B3GNT3: variants seen among roughly 807,000 people sequenced by gnomAD.
B3GNT3 encodes N-acetyllactosaminide beta-1,3-N-acetylglucosaminyltransferase 3.
Under a neutral mutation model 11.6 loss-of-function variants are expected in B3GNT3, and 7 were observed. That is an observed-to-expected ratio of 0.60 (90% CI 0.34 to 1.13). The LOEUF is 1.13. B3GNT3 is among the 50% of genes most tolerant of loss of function. B3GNT3 has a pLI of 0.03. For missense variants in B3GNT3, 400 were observed against 507.4 expected, an observed-to-expected ratio of 0.79 and a Z score of 2.03; for synonymous variants, 201 against 222.1, an observed-to-expected ratio of 0.90 and a Z score of 0.85.
In B3GNT3 at chr19:17,808,137, G is replaced by A. The variant is rs1024884037; in HGVS notation, c.330G>A (p.Leu110=). Residue 110 remains leucine (L), a synonymous_variant, in exon 2 of 3, where the codon CTG becomes CTA. Transcript: ENST00000318683. ...AGTGCGCGCAGCCGGTCTTCCTGCT[G>A]CTGGTGATCAAGTCCTCCCCTAGCA... ...PSKCAQPVFL[L]LVIKSSPSNY... 4.3e-6 allele frequency: 7 copies of A among 1,613,608 alleles called. No individual in the cohort carries two copies. Among genetic ancestry groups the A allele is most frequent in the Non-Finnish European group, 5.9e-6 (7 of 1,179,862 alleles).
At position 17,810,869 on chromosome 19, in the gene B3GNT3, G is replaced by A. The variant is rs1015930440; in HGVS notation, c.568-702G>A. 4.0e-5 allele frequency among the ~76,000 whole-genome samples: 6 copies of A among 150,594 alleles called. 1 individual carries two copies. In the East Asian group the frequency reaches 9.8e-4, roughly 25 times the overall value. On this transcript the variant is annotated intron_variant, in intron 2 of 2. Coordinates refer to ENST00000318683, the MANE Select transcript of B3GNT3 (RefSeq NM_014256.4). ...CCACTCCAGCCTGGGCAACAAAAGC[G>A]AAAACTCCATCTCCAAAAAAATAAT... is the stretch of plus-strand genomic sequence containing the variant.
chr19:17,805,302 T>G (rs977644720), intron 1 of B3GNT3, among the ~76,000 whole-genome samples: 1 of 152,012 alleles, frequency 6.6e-6, no homozygotes, highest in Non-Finnish European at 1.5e-5. Flanking sequence ...TTTCACCATG[T>G]TGCCCAGGCT....
At position 17,813,077 on chromosome 19, in the gene B3GNT3, C is replaced by T. The variant is rs911586433; in HGVS notation, c.*955C>T. 6.6e-6 allele frequency: 1 copy of T among 151,444 alleles called. No homozygotes were observed. The highest frequency in any genetic ancestry group is 2.1e-4 in the South Asian group (1 of 4,788). 9.4% of individuals were successfully genotyped at this position (151,444 alleles called of 1,614,324 possible). ...TGGGGAATATAAAATTTTGTGAAGA[C>T]TTGGAGATCTTTTTTTTTTTTTAAG... On this transcript the variant is annotated 3_prime_UTR_variant, in exon 3 of 3. Coordinates refer to ENST00000318683, the MANE Select transcript of B3GNT3 (RefSeq NM_014256.4).
intron 1 of B3GNT3, among the ~76,000 whole-genome samples, chr19:17,796,133 G>A (rs73012892): frequency 5.1e-4 from 77 of 152,196 alleles, no homozygotes; most frequent in Admixed American, 1.9e-3. Context: ...TGTCACCCAG[G>A]CTGGAGTACA....
chr19:17,801,056 A>G (rs188288312), intron 1 of B3GNT3, among the ~76,000 whole-genome samples: 247 of 152,084 alleles, frequency 1.6e-3, no homozygotes, highest in African/African-American at 5.8e-3. Context: ...AAAATTCAGT[A>G]TATTTGGGCA....
chr19:17,811,799 C>T lies in B3GNT3; in HGVS notation c.796C>T (p.Pro266Ser), dbSNP rs1381823148. Residue 266 changes from proline (P) to serine (S), a missense_variant, in exon 3 of 3, where the codon CCC becomes TCC. Pro to Ser is a moderately conservative substitution (Grantham distance 74). Transcript: ENST00000318683. The surrounding 1 kb of genome is among the most constrained non-coding windows in gnomAD (Gnocchi z 4.1). Reference protein sequence around the residue: ...EVVTQNERYPPYCGGGGFLLS... With the variant: ...EVVTQNERYPSYCGGGGFLLS... ...GGTGACTCAGAATGAGCGGTACCCA[C>T]CCTATTGTGGGGGTGGTGGCTTCTT... 1 of 1,614,230 alleles carries T rather than the reference C, an allele frequency of 6.2e-7. No individual in the cohort carries two copies. The highest frequency in any genetic ancestry group is 2.2e-5 in the East Asian group (1 of 44,894).
In B3GNT3 at chr19:17,813,084, ATCT is replaced by A. The variant is rs2094183299; in HGVS notation, c.*964_*966del. The A allele has an allele frequency of 6.7e-6, 1 of 149,924 alleles. No homozygotes were observed. Among genetic ancestry groups the A allele is most frequent in the Non-Finnish European group, 1.5e-5 (1 of 67,318 alleles). 9.3% of individuals were successfully genotyped at this position (149,924 alleles called of 1,614,324 possible). ...TATAAAATTTTGTGAAGACTTGGAG[ATCT>A]TTTTTTTTTTTTAAGCAAATTTACA... On this transcript the variant is annotated 3_prime_UTR_variant, in exon 3 of 3. Transcript: ENST00000318683.
At chr19:17,797,788 C>T (rs1392306852) in intron 1 of B3GNT3, among the ~76,000 whole-genome samples, 8 of 152,058 alleles carry the variant, frequency 5.3e-5, no homozygotes, top group African/African-American at 1.7e-4. Flanking sequence ...AAAGCAGGGT[C>T]CGGCCATTGT....
chr19:17,811,754 A>C lies in B3GNT3; in HGVS notation c.751A>C (p.Lys251Gln), dbSNP rs1242892310. ...GGGCCCCATCCGGGCTTTTTGGAGCAAGTACTATGTGCCAGAGGTGGTGAC... is the reference window on the plus strand; with the variant it reads ...GGGCCCCATCCGGGCTTTTTGGAGCCAGTACTATGTGCCAGAGGTGGTGAC... Reference protein sequence around the residue: ...NVGPIRAFWSKYYVPEVVTQN... With the variant: ...NVGPIRAFWSQYYVPEVVTQN... Residue 251 changes from lysine to glutamine, a missense_variant, in exon 3 of 3, where the codon AAG becomes CAG. By Grantham distance (53) the Lys-to-Gln change is moderately conservative. Transcript: ENST00000318683. This position sits in a 1 kb window ranked among gnomAD's most constrained non-coding sequence, Gnocchi z 4.1. 6.2e-7 allele frequency: 1 copy of C among 1,614,112 alleles called. No homozygotes were observed. Among genetic ancestry groups the C allele is most frequent in the East Asian group, 2.2e-5 (1 of 44,902 alleles).
intron 1 of B3GNT3, among the ~76,000 whole-genome samples, chr19:17,799,511 G>T (rs1303707232): frequency 2.0e-5 from 3 of 151,666 alleles, no homozygotes; most frequent in Admixed American, 2.0e-4. Flanking sequence ...CTCATGATTC[G>T]CCCGCCTCTG....
chr19:17,800,746 C>G (rs1168991351), intron 1 of B3GNT3, among the ~76,000 whole-genome samples: 1 of 151,938 alleles, frequency 6.6e-6, no homozygotes, highest in Admixed American at 6.6e-5. Flanking sequence ...GTGGGTGGAT[C>G]ACCTGAGATT....
chr19:17,804,079 C>G (rs960542186), intron 1 of B3GNT3, among the ~76,000 whole-genome samples: 3 of 152,104 alleles, frequency 2.0e-5, no homozygotes, highest in African/African-American at 2.4e-5. Context: ...CACCTGGATA[C>G]CAGACTGAGC....
At position 17,811,973 on chromosome 19, in the gene B3GNT3, G is replaced by T. The variant is rs1417531779; in HGVS notation, c.970G>T (p.Ala324Ser). The T allele has an allele frequency of 1.9e-6, 3 of 1,607,120 alleles. No individual in the cohort carries two copies. The Admixed American group carries it at 5.0e-5, about 27-fold the overall frequency. The part of the protein sequence containing the change: ...HSGIRTSGVR[A>S]PSQRLSSFDP... Reference sequence around the variant, plus strand: ...CGGCATCCGCACGTCTGGCGTGCGGGCTCCATCGCAACGCCTGTCCTCCTT... The same window carrying T: ...CGGCATCCGCACGTCTGGCGTGCGGTCTCCATCGCAACGCCTGTCCTCCTT... The change falls in exon 3 of 3, where the codon GCT (alanine) becomes TCT (serine). Residue 324 changes from alanine to serine, a missense_variant. Transcript: ENST00000318683. This position sits in a 1 kb window ranked among gnomAD's most constrained non-coding sequence, Gnocchi z 4.1.
At chr19:17,805,716 C>T (rs908466759) in intron 1 of B3GNT3, among the ~76,000 whole-genome samples, 2 of 152,198 alleles carry the variant, frequency 1.3e-5, no homozygotes, top group Admixed American at 6.5e-5. Context: ...CCTTCAGGAC[C>T]TCCCTGATCC....
intron 2 of B3GNT3, among the ~76,000 whole-genome samples, chr19:17,808,928 C>T (rs2094177231): frequency 1.3e-5 from 2 of 152,138 alleles, no homozygotes; most frequent in Admixed American, 1.3e-4. Flanking sequence ...CAACCACCTC[C>T]TGGTTTCCGG....
At chr19:17,807,590 GGTT>G (rs2094174804) in intron 1 of B3GNT3, 165 bp from the exon 2 acceptor site, 5 of 513,552 alleles carry the variant, frequency 9.7e-6, no homozygotes, top group African/African-American at 5.8e-5. Context: ...AGCCAACAGG[GGTT>G]GGAGTGCTTT....
chr19:17,800,912 T>A (rs62123689), intron 1 of B3GNT3, among the ~76,000 whole-genome samples: 21,380 of 151,926 alleles, frequency 0.14, 1,900 homozygotes, highest in Non-Finnish European at 0.2. Context: ...AACCTCCAGG[T>A]TGCAGTGAGC....
intron 1 of B3GNT3, among the ~76,000 whole-genome samples, chr19:17,800,312 T>C (rs919131962): frequency 6.6e-6 from 1 of 151,914 alleles, no homozygotes; most frequent in Non-Finnish European, 1.5e-5. Context: ...GAGGCGGAAG[T>C]TGCAGTGAGC....
chr19:17,806,841 A>G (rs1204677876), intron 1 of B3GNT3, among the ~76,000 whole-genome samples: 1 of 151,052 alleles, frequency 6.6e-6, no homozygotes, highest in Non-Finnish European at 1.5e-5. Context: ...AGTCCCAGCT[A>G]CTCTGAAAGA....
Sources: gnomAD v4.1 joint callset for allele counts (sites outside exome capture counted in the v4.1 genomes callset) on GRCh38, gnomAD v4.1.1 for gene constraint, Gnocchi (gnomAD v3.1) non-coding constraint, MANE v1.5 for transcripts, NCBI Gene and HGNC (gene_info 2026-07-23, HGNC 2026-07-21) for gene names.